PRKG1: variants seen among roughly 807,000 people sequenced by gnomAD.
PRKG1 encodes protein kinase cGMP-dependent 1, also known as cGMP-dependent protein kinase 1.
A neutral mutation model predicts 88.1 loss-of-function variants in PRKG1; 35 were observed. That is an observed-to-expected ratio of 0.40 (90% CI 0.30 to 0.53). The LOEUF is 0.53. Ranked by LOEUF, PRKG1 falls within the 20% of genes least tolerant of loss-of-function variation. The pLI is 0.59. For synonymous variants in PRKG1, 303 were observed against 292.5 expected (o/e 1.04, Z -0.37); for missense variants, 540 against 839.8 (o/e 0.64, Z 4.41).
intron 1 of PRKG1, among the ~76,000 whole-genome samples, chr10:51,053,266 C>G (rs919772619): frequency 6.6e-6 from 1 of 151,034 alleles, no homozygotes; most frequent in Non-Finnish European, 1.5e-5. Context: ...AAAAAAAAAC[C>G]ATTTTCCACC....
chr10:52,244,850 A>ATT (rs66599448), intron 9 of PRKG1, among the ~76,000 whole-genome samples: 7 of 132,856 alleles, frequency 5.3e-5, no homozygotes, highest in Non-Finnish European at 1.1e-4. Flanking sequence ...ATATTTAAAT[A>ATT]TTTTTATATA....
chr10:51,999,671 T>C (rs1015620), intron 5 of PRKG1, among the ~76,000 whole-genome samples: 62,883 of 151,744 alleles, frequency 0.41, 13,196 homozygotes, highest in Admixed American at 0.45. Flanking sequence ...ACTTTGCATA[T>C]ACTTTAAGAG....
intron 12 of PRKG1, among the ~76,000 whole-genome samples, chr10:52,279,218 A>C (rs1841944952): frequency 6.6e-6 from 1 of 152,120 alleles, no homozygotes; most frequent in African/African-American, 2.4e-5. Flanking sequence ...TAAAATTTTA[A>C]CTCTGCCAAA....
intron 5 of PRKG1, among the ~76,000 whole-genome samples, chr10:51,998,303 T>C (rs1375531343): frequency 6.6e-6 from 1 of 152,180 alleles, no homozygotes; most frequent in Non-Finnish European, 1.5e-5. Context: ...ATTGACATTG[T>C]GTCATTTTGG....
chr10:51,871,553 T>C (rs1207456546), intron 4 of PRKG1, among the ~76,000 whole-genome samples: 1 of 152,224 alleles, frequency 6.6e-6, no homozygotes, highest in African/African-American at 2.4e-5. Context: ...AGCCCCAAGC[T>C]GTCAGTGCTG....
chr10:51,157,686 G>A lies in PRKG1; in HGVS notation c.478+4356G>A, dbSNP rs1331110835. 3.3e-5 allele frequency among the ~76,000 whole-genome samples: 5 copies of A among 151,742 alleles called. No homozygotes were observed. The East Asian group carries it at 7.7e-4, about 24-fold the overall frequency. ...GAGATATTGGTTTTGTTCATATTTT[G>A]TGATGTTTCATGGTGGAAGCAGATA... On this transcript the variant is annotated intron_variant, in intron 2 of 17. Coordinates refer to ENST00000373980, the MANE Select transcript of PRKG1 (RefSeq NM_006258.4).
At chr10:51,906,610 T>C (rs2132944492) in intron 4 of PRKG1, among the ~76,000 whole-genome samples, 1 of 152,298 alleles carries the variant, frequency 6.6e-6, no homozygotes, top group Non-Finnish European at 1.5e-5. Flanking sequence ...AAGGAGTTTC[T>C]GGATTAAGAT....
chr10:51,904,321 G>T (rs1842041023), intron 4 of PRKG1, among the ~76,000 whole-genome samples: 1 of 151,902 alleles, frequency 6.6e-6, no homozygotes, highest in South Asian at 2.1e-4. Flanking sequence ...TTTGCTTTCA[G>T]TTTTCTAAAG....
Position 51,698,050 on chromosome 10 carries a change from C to T in PRKG1, c.593-106535C>T, listed in dbSNP as rs572345819. On this transcript the variant is annotated intron_variant, in intron 3 of 17. Coordinates refer to ENST00000373980, the MANE Select transcript of PRKG1 (RefSeq NM_006258.4). ...GCATACCAGCTCCAGGATTCCCCACCCCTGAAATGCCTGGGACCTGTCTGG... is the reference window on the plus strand; with the variant it reads ...GCATACCAGCTCCAGGATTCCCCACTCCTGAAATGCCTGGGACCTGTCTGG... The T allele has an allele frequency of 4.3e-5, 69 of 1,613,986 alleles. 2 individuals carry two copies. In the South Asian group the frequency reaches 6.9e-4, roughly 16 times the overall value.
intron 2 of PRKG1, chr10:51,299,614 GA>G: frequency 2.1e-6 from 1 of 468,458 alleles, no homozygotes. Context: ...TTCTCCTTGG[GA>G]AAAACAGAGA....
At chr10:51,083,534 A>T (rs540357607) in intron 1 of PRKG1, among the ~76,000 whole-genome samples, 17 of 148,154 alleles carry the variant, frequency 1.1e-4, no homozygotes, top group Admixed American at 4.0e-4. Context: ...TTTTTCCTAC[A>T]GATATTTTAT....
At chr10:52,277,161 T>G (rs958757761) in intron 12 of PRKG1, among the ~76,000 whole-genome samples, 22 of 152,212 alleles carry the variant, frequency 1.4e-4, no homozygotes, top group African/African-American at 4.6e-4. Flanking sequence ...TCTGTTTGCT[T>G]CGTGGTGAAA....
intron 3 of PRKG1, among the ~76,000 whole-genome samples, chr10:51,668,736 T>A (rs1021455502): frequency 6.6e-6 from 1 of 152,080 alleles, no homozygotes; most frequent in African/African-American, 2.4e-5. Flanking sequence ...AAAAAAAAAA[T>A]ATATGAGTTT....
intron 3 of PRKG1, among the ~76,000 whole-genome samples, chr10:51,669,800 A>G (rs1840512398): frequency 6.6e-6 from 1 of 152,216 alleles, no homozygotes; most frequent in Admixed American, 6.5e-5. Flanking sequence ...CTAGAATCTG[A>G]CTAGTTACCA....
chr10:52,272,889 T>C (rs1308459051), intron 12 of PRKG1, among the ~76,000 whole-genome samples: 1 of 152,102 alleles, frequency 6.6e-6, no homozygotes, highest in Non-Finnish European at 1.5e-5. Flanking sequence ...GCAGTTTGCC[T>C]TTTGTGACAT....
At chr10:51,349,115 G>A (rs932549453) in intron 2 of PRKG1, among the ~76,000 whole-genome samples, 2 of 152,088 alleles carry the variant, frequency 1.3e-5, no homozygotes, top group Non-Finnish European at 1.5e-5. Flanking sequence ...TCCTTCATTC[G>A]ATGAGGAGTC....
At chr10:51,527,752 G>A (rs1051060147) in intron 3 of PRKG1, among the ~76,000 whole-genome samples, 1 of 152,180 alleles carries the variant, frequency 6.6e-6, no homozygotes, top group Non-Finnish European at 1.5e-5. Context: ...TAGCAGTAGA[G>A]TTATACAAAG....
intron 2 of PRKG1, among the ~76,000 whole-genome samples, chr10:51,269,709 C>T (rs920208511): frequency 6.6e-6 from 1 of 152,064 alleles, no homozygotes; most frequent in Non-Finnish European, 1.5e-5. Flanking sequence ...TTTAGGGACT[C>T]AGGCGGAAGT....
rs140941840 is a variant in PRKG1 at position 52,131,343 on chromosome 10, G to A, written c.936-2497G>A. 1.8e-4 allele frequency among the ~76,000 whole-genome samples: 28 copies of A among 152,228 alleles called. No homozygotes were observed. In the East Asian group the frequency reaches 4.4e-3, roughly 24 times the overall value. The stretch of plus-strand genomic sequence containing the variant: ...ATATAAATTACAAATGGTGATACAT[G>A]CTTGGATGGAGAGGTATGTAGGGCT... On this transcript the variant is annotated intron_variant, in intron 7 of 17. Coordinates refer to ENST00000373980, the MANE Select transcript of PRKG1 (RefSeq NM_006258.4).
Sources: gnomAD v4.1 joint callset for allele counts (sites outside exome capture counted in the v4.1 genomes callset) on GRCh38, gnomAD v4.1.1 for gene constraint, MANE v1.5 for transcripts, NCBI Gene and HGNC (gene_info 2026-07-23, HGNC 2026-07-21) for gene names.